The following ADCY8 variants were observed in gnomAD, a reference collection of about 807,000 sequenced individuals.
ADCY8 encodes the protein adenylate cyclase 8.
Under a neutral mutation model 119.7 loss-of-function variants are expected in ADCY8, and 51 were observed. That is an observed-to-expected ratio of 0.43 (90% CI 0.34 to 0.54). The LOEUF is 0.54. Among genes scored for constraint, ADCY8 ranks in the 20% least tolerant of loss-of-function variants. The pLI is 0.03. For missense variants in ADCY8, 1,383 were observed against 1,598.8 expected (o/e 0.87, Z 2.30); for synonymous variants, 665 against 651.0 (o/e 1.02, Z -0.33).
chr8:130,889,490 G>A (rs936317763), intron 7 of ADCY8, among the ~76,000 whole-genome samples: 1 of 152,016 alleles, frequency 6.6e-6, no homozygotes, highest in Non-Finnish European at 1.5e-5. Context: ...GCCTCTATAT[G>A]TTTCATGGAA....
intron 15 of ADCY8, among the ~76,000 whole-genome samples, chr8:130,797,399 A>C (rs963202256): frequency 2.6e-5 from 4 of 152,186 alleles, no homozygotes; most frequent in Non-Finnish European, 5.9e-5. Context: ...TTAGTCAGAT[A>C]TTTTTAATAG....
At chr8:130,963,338 A>G (rs56921458) in intron 2 of ADCY8, among the ~76,000 whole-genome samples, 2,324 of 152,324 alleles carry the variant, frequency 0.015, 39 homozygotes, top group African/African-American at 0.033. Context: ...TGGTCAATGA[A>G]GAAATTTTCA....
At chr8:130,804,303 T>C (rs920388004) in intron 14 of ADCY8, among the ~76,000 whole-genome samples, 7 of 152,304 alleles carry the variant, frequency 4.6e-5, no homozygotes, top group Admixed American at 2.0e-4. Flanking sequence ...GCTTTCCCCA[T>C]GGTTGCAGAT....
chr8:130,808,529 A>G (rs1237063870), intron 14 of ADCY8, among the ~76,000 whole-genome samples: 1 of 152,234 alleles, frequency 6.6e-6, no homozygotes. Context: ...AACAAGGGGC[A>G]TGAGGAAAAT....
intron 9 of ADCY8, among the ~76,000 whole-genome samples, chr8:130,855,115 CTCTT>C (rs113204688): frequency 0.15 from 11,256 of 76,088 alleles, 461 homozygotes; most frequent in Non-Finnish European, 0.2. Context: ...CTCTCTCTCT[CTCTT>C]TTTTTTTTTT....
At chr8:130,822,993 G>T (rs754603804) in intron 12 of ADCY8, among the ~76,000 whole-genome samples, 1 of 152,168 alleles carries the variant, frequency 6.6e-6, no homozygotes, top group Non-Finnish European at 1.5e-5. Context: ...AAAGTCACTT[G>T]TTCACATTGC....
rs146349747 is a variant in ADCY8 at position 130,904,726 on chromosome 8, C to A, written c.1641-684G>T. Among the ~76,000 whole-genome samples the A allele has an allele frequency of 8.2e-4, 125 of 152,226 alleles. 1 individual carries two copies. In the East Asian group the frequency reaches 0.023, roughly 28 times the overall value. Reference sequence around the variant, plus strand: ...ACAAGTGAAGTGACTCATGGCTGCACAATTGTCAGCCACTGTGGCTCATGA... The same window carrying A: ...ACAAGTGAAGTGACTCATGGCTGCAAAATTGTCAGCCACTGTGGCTCATGA... On this transcript the variant is annotated intron_variant, in intron 6 of 17. Coordinates refer to ENST00000286355, the MANE Select transcript of ADCY8 (RefSeq NM_001115.3).
chr8:130,983,470 A>C (rs1334690265), intron 2 of ADCY8, among the ~76,000 whole-genome samples: 1 of 152,162 alleles, frequency 6.6e-6, no homozygotes, highest in African/African-American at 2.4e-5. Context: ...AATGGCAGAG[A>C]AGCAGAGAGG....
chr8:130,953,500 G>C (rs1438886410), intron 2 of ADCY8, among the ~76,000 whole-genome samples: 1 of 152,102 alleles, frequency 6.6e-6, no homozygotes, highest in Non-Finnish European at 1.5e-5. Flanking sequence ...TTAATCAAGC[G>C]GCAGTTGCAG....
At chr8:130,829,475 G>T (rs564569762) in intron 12 of ADCY8, among the ~76,000 whole-genome samples, 79 of 137,312 alleles carry the variant, frequency 5.8e-4, no homozygotes, top group Admixed American at 2.9e-3. Flanking sequence ...AAAGGAAAGA[G>T]ATTTTATGTA....
chr8:131,013,261 T>G (rs1447653902), intron 1 of ADCY8, among the ~76,000 whole-genome samples: 1 of 152,082 alleles, frequency 6.6e-6, no homozygotes, highest in Non-Finnish European at 1.5e-5. Context: ...GATGAAATAT[T>G]TAGATAAAAC....
At chr8:130,867,809 G>A (rs1190366752) in intron 9 of ADCY8, 37 bp downstream of exon 9, 3 of 1,453,698 alleles carry the variant, frequency 2.1e-6, no homozygotes, top group Non-Finnish European at 2.9e-6. Context: ...ATCTCACAAA[G>A]ATATTTCACC....
At chr8:130,855,171 C>T (rs1464018889) in intron 9 of ADCY8, among the ~76,000 whole-genome samples, 1 of 149,448 alleles carries the variant, frequency 6.7e-6, no homozygotes, top group Non-Finnish European at 1.5e-5. Context: ...TAAGAATTAG[C>T]TGTGGTCATA....
chr8:130,992,418 TATATATA>T (rs1563759133), intron 1 of ADCY8, among the ~76,000 whole-genome samples: 6 of 128,288 alleles, frequency 4.7e-5, no homozygotes, highest in African/African-American at 1.9e-4. Flanking sequence ...TATATATATA[TATATATA>T]TATATTTGAG....
intron 2 of ADCY8, among the ~76,000 whole-genome samples, chr8:130,988,984 A>T (rs1822490212): frequency 6.6e-6 from 1 of 152,232 alleles, no homozygotes; most frequent in Non-Finnish European, 1.5e-5. Context: ...ATTGGCACAG[A>T]TCCCATGGAA....
intron 5 of ADCY8, among the ~76,000 whole-genome samples, chr8:130,931,444 G>A (rs1820627310): frequency 6.6e-6 from 1 of 151,970 alleles, no homozygotes; most frequent in South Asian, 2.1e-4. Flanking sequence ...GAATCTGATT[G>A]GAGATCTTTG....
chr8:130,830,095 A>C (rs966889268), intron 12 of ADCY8, among the ~76,000 whole-genome samples: 1 of 152,208 alleles, frequency 6.6e-6, no homozygotes, highest in Non-Finnish European at 1.5e-5. Context: ...GGAACGATAC[A>C]GGAGTTAAGA....
chr8:130,863,646 T>C (rs1818020492), intron 9 of ADCY8, among the ~76,000 whole-genome samples: 1 of 152,146 alleles, frequency 6.6e-6, no homozygotes, highest in Non-Finnish European at 1.5e-5. Context: ...AAAACGTTTT[T>C]TTAGTGTTTG....
chr8:130,840,953 G>A (rs1048274243), intron 11 of ADCY8, among the ~76,000 whole-genome samples: 10 of 151,928 alleles, frequency 6.6e-5, no homozygotes, highest in African/African-American at 1.5e-4. Flanking sequence ...AGTTTTTACC[G>A]TTAAAAAAAA....
Sources: allele counts gnomAD v4.1 joint callset (sites outside exome capture counted in the v4.1 genomes callset), GRCh38; gene constraint gnomAD v4.1.1; transcripts MANE v1.5; gene names NCBI Gene and HGNC (gene_info 2026-07-23, HGNC 2026-07-21).